The following IGF1R variants were observed in gnomAD, a reference collection of about 807,000 sequenced individuals.
IGF1R encodes the protein insulin like growth factor 1 receptor, also known as insulin-like growth factor 1 receptor.
A neutral mutation model predicts 144.6 loss-of-function variants in IGF1R; 44 were observed. The observed-to-expected ratio is 0.30, with a 90% CI of 0.24 to 0.39. The LOEUF (loss-of-function observed/expected upper bound fraction) is 0.39. Among genes scored for constraint, IGF1R ranks in the 10% least tolerant of loss-of-function variants. The pLI is 1.00. For synonymous variants in IGF1R, 795 were observed against 722.8 expected (o/e 1.10, Z -1.60); for missense variants, 1,355 against 1,833.7 (o/e 0.74, Z 4.77).
Position 98,939,269 on chromosome 15 carries a change from C to T in IGF1R, c.3366C>T (p.Gly1122=). 6.2e-7 allele frequency: 1 copy of T among 1,613,542 alleles called. No individual in the cohort carries two copies. The highest frequency in any genetic ancestry group is 8.5e-7 in the Non-Finnish European group (1 of 1,179,454). Residue 1122 remains glycine (G), a synonymous_variant, in exon 18 of 21, where the codon GGC becomes GGT. Coordinates refer to ENST00000650285, the MANE Select transcript of IGF1R (RefSeq NM_000875.5). ...MIQMAGEIAD[G]MAYLNANKFV... ...AGATGGCCGGAGAGATTGCAGACGG[C>T]ATGGCATACCTCAACGCCAATAAGT...
chr15:98,914,128 C>T (rs1427683463), intron 8 of IGF1R, among the ~76,000 whole-genome samples: 1 of 152,158 alleles, frequency 6.6e-6, no homozygotes, highest in African/African-American at 2.4e-5. Flanking sequence ...GGCAGGGATG[C>T]GGGAGCACTC....
chr15:98,910,896 T>G (rs1284372564), intron 6 of IGF1R, among the ~76,000 whole-genome samples: 1 of 152,224 alleles, frequency 6.6e-6, no homozygotes, highest in Non-Finnish European at 1.5e-5. Context: ...TATCCACAAC[T>G]GCAGAACAAG....
chr15:98,679,610 A>G (rs936191150), intron 1 of IGF1R, among the ~76,000 whole-genome samples: 1 of 152,252 alleles, frequency 6.6e-6, no homozygotes, highest in African/African-American at 2.4e-5. Flanking sequence ...TGCAGCGCAT[A>G]CAATTGTGTG....
At chr15:98,921,209 C>T (rs1863333485) in intron 10 of IGF1R, among the ~76,000 whole-genome samples, 1 of 152,146 alleles carries the variant, frequency 6.6e-6, no homozygotes, top group Non-Finnish European at 1.5e-5. Context: ...TCTGGGTGCT[C>T]CTCTCGTATT....
chr15:98,948,089 A>T (rs566910181), intron 19 of IGF1R, among the ~76,000 whole-genome samples: 2 of 152,280 alleles, frequency 1.3e-5, no homozygotes, highest in East Asian at 3.9e-4. Flanking sequence ...AAATTGTCTG[A>T]TTGTAAAAAT....
Position 98,913,140 on chromosome 15 carries a change from G to A in IGF1R, c.1686G>A (p.Val562=), listed in dbSNP as rs2228531. 18,698 of 1,614,232 alleles carry A rather than the reference G, an allele frequency of 0.012. 141 individuals carry two copies. The highest frequency in any genetic ancestry group is 0.019 in the Middle Eastern group (116 of 6,062). The change falls in exon 8 of 21, where the codon GTG becomes GTA. Residue 562 remains valine, a synonymous_variant. Transcript: ENST00000650285. ...VDVDLPPNKD[V]EPGILLHGLK... ...TGGACCTCCCGCCCAACAAGGACGT[G>A]GAGCCCGGCATCTTACTACATGGGC...
chr15:98,920,276 C>A (rs748535137), intron 10 of IGF1R, among the ~76,000 whole-genome samples: 1 of 152,154 alleles, frequency 6.6e-6, no homozygotes, highest in African/African-American at 2.4e-5. Context: ...TTCCTGCCTT[C>A]CAGATAATGT....
At chr15:98,788,668 G>C in intron 2 of IGF1R, among the ~76,000 whole-genome samples, 1 of 152,166 alleles carries the variant, frequency 6.6e-6, no homozygotes, top group African/African-American at 2.4e-5. Context: ...CCAAGGATGC[G>C]CCCGCCCTGC....
At chr15:98,784,264 CT>C (rs1445933608) in intron 2 of IGF1R, among the ~76,000 whole-genome samples, 2 of 151,936 alleles carry the variant, frequency 1.3e-5, no homozygotes, top group African/African-American at 4.8e-5. Flanking sequence ...TATAAAAAGT[CT>C]TTTTTCAGCT....
intron 2 of IGF1R, among the ~76,000 whole-genome samples, chr15:98,755,905 T>TG (rs948657554): frequency 6.6e-6 from 1 of 152,166 alleles, no homozygotes; most frequent in Non-Finnish European, 1.5e-5. Flanking sequence ...TTTTATGAAA[T>TG]GCCTTTTTGG....
At chr15:98,851,529 GGCCTT>G (rs1567161317) in intron 2 of IGF1R, among the ~76,000 whole-genome samples, 2 of 152,166 alleles carry the variant, frequency 1.3e-5, no homozygotes, top group Non-Finnish European at 2.9e-5. Context: ...AGTACCCCGG[GGCCTT>G]GCCAGAATCT....
chr15:98,837,956 A>G (rs776791963), intron 2 of IGF1R, among the ~76,000 whole-genome samples: 7 of 152,310 alleles, frequency 4.6e-5, no homozygotes, highest in Admixed American at 3.3e-4. Context: ...TGCCTTGACC[A>G]CAGTTGTGAT....
At position 98,911,340 on chromosome 15, in the gene IGF1R, C is replaced by T. The variant is rs2151674206; in HGVS notation, c.1488C>T (p.Thr496=). The T allele has an allele frequency of 6.2e-7, 1 of 1,614,184 alleles. No individual in the cohort carries two copies. Among genetic ancestry groups the T allele is most frequent in the Non-Finnish European group, 8.5e-7 (1 of 1,180,014 alleles). ...ASCESDVLHF[T]STTTSKNRII... ...GTGAAAGTGACGTCCTGCATTTCAC[C>T]TCCACCACCACGTCGAAGAATCGCA... is the stretch of plus-strand genomic sequence containing the variant. The change falls in exon 7 of 21, where the codon ACC becomes ACT. Residue 496 remains threonine (T), a synonymous_variant. Transcript: ENST00000650285.
rs45453898 is a variant in IGF1R at position 98,707,298 on chromosome 15, C to T, written c.95-264C>T. ...TCTGGGCTGTAAGCTTTAGTTTGCACGGTTAACGGGGATGGCCTCTCCCAT... is the reference window on the plus strand; with the variant it reads ...TCTGGGCTGTAAGCTTTAGTTTGCATGGTTAACGGGGATGGCCTCTCCCAT... On this transcript the variant is annotated intron_variant, in intron 1 of 20. Transcript: ENST00000650285. The surrounding 1 kb of genome is among the most constrained non-coding windows in gnomAD (Gnocchi z 6.7). 0.034 allele frequency among the ~76,000 whole-genome samples: 5,204 copies of T among 152,172 alleles called. 126 individuals carry two copies. Among genetic ancestry groups the T allele is most frequent in the Middle Eastern group, 0.061 (18 of 294 alleles).
intron 2 of IGF1R, among the ~76,000 whole-genome samples, chr15:98,787,707 T>C (rs1180129660): frequency 6.6e-6 from 1 of 152,166 alleles, no homozygotes; most frequent in Non-Finnish European, 1.5e-5. Context: ...GGGTTCCACA[T>C]TGGAAGTACT....
At chr15:98,837,730 A>G (rs1008612557) in intron 2 of IGF1R, among the ~76,000 whole-genome samples, 10 of 152,016 alleles carry the variant, frequency 6.6e-5, no homozygotes, top group Non-Finnish European at 2.9e-5. Flanking sequence ...GCAATTTTCT[A>G]TCTTATTGTC....
At chr15:98,666,057 G>A (rs2052730085) in intron 1 of IGF1R, among the ~76,000 whole-genome samples, 4 of 152,220 alleles carry the variant, frequency 2.6e-5, no homozygotes, top group Non-Finnish European at 5.9e-5. Flanking sequence ...GGTCTCTTAG[G>A]AGGAGGGGTT....
chr15:98,802,450 T>C (rs2056382798), intron 2 of IGF1R, among the ~76,000 whole-genome samples: 1 of 152,128 alleles, frequency 6.6e-6, no homozygotes, highest in Non-Finnish European at 1.5e-5. Flanking sequence ...GGGAAGGTCA[T>C]TGAACCCTAC....
chr15:98,736,313 A>G (rs2054607349), intron 2 of IGF1R, among the ~76,000 whole-genome samples: 1 of 152,238 alleles, frequency 6.6e-6, no homozygotes, highest in Non-Finnish European at 1.5e-5. Flanking sequence ...AACAGCATGA[A>G]TGAAACATTG....
Sources: gnomAD v4.1 joint callset for allele counts (sites outside exome capture counted in the v4.1 genomes callset) on GRCh38, gnomAD v4.1.1 for gene constraint, Gnocchi (gnomAD v3.1) non-coding constraint, MANE v1.5 for transcripts, NCBI Gene and HGNC (gene_info 2026-07-23, HGNC 2026-07-21) for gene names.